The following CALN1 variants were observed in gnomAD, a reference collection of about 807,000 sequenced individuals.
CALN1 encodes calcium-binding protein 8.
A neutral mutation model predicts 30.6 loss-of-function variants in CALN1; 17 were observed. The ratio of observed to expected loss-of-function variants is 0.56; its 90% CI spans 0.38 to 0.83. CALN1 has a LOEUF of 0.83. Ranked by LOEUF, CALN1 falls within the 40% of genes least tolerant of loss-of-function variation. The pLI, the probability that CALN1 is intolerant of heterozygous loss-of-function variation, is 0.00. For missense variants in CALN1, 291 were observed against 354.9 expected (o/e 0.82, Z 1.45); for synonymous variants, 156 against 131.4 (o/e 1.19, Z -1.28).
At chr7:71,990,884 C>A (rs1255011006) in intron 5 of CALN1, among the ~76,000 whole-genome samples, 2 of 152,092 alleles carry the variant, frequency 1.3e-5, no homozygotes, top group African/African-American at 2.4e-5. Flanking sequence ...TGGATTGGGG[C>A]CCGTTTCTGG....
At position 72,427,700 on chromosome 7, in the gene CALN1, T is replaced by G. The variant is rs1049459375; in HGVS notation, c.-225-15425A>C. On this transcript the variant is annotated intron_variant, in intron 1 of 6. Transcript: ENST00000395276. ...TTATTTTTTTGTAGAGACAGAGTCT[T>G]GAACTCCTGGCCTCAAACAATCTTC... Among the ~76,000 whole-genome samples the G allele has an allele frequency of 1.1e-4, 17 of 151,564 alleles. 1 individual carries two copies. Among genetic ancestry groups the G allele is most frequent in the Admixed American group, 4.6e-4 (7 of 15,204 alleles).
chr7:72,141,579 T>C (rs1809942842), intron 3 of CALN1, among the ~76,000 whole-genome samples: 1 of 152,124 alleles, frequency 6.6e-6, no homozygotes, highest in Non-Finnish European at 1.5e-5. Context: ...TCACCATTTT[T>C]TTTTTCAAGA....
chr7:72,052,936 T>C (rs1584836096), intron 4 of CALN1, among the ~76,000 whole-genome samples: 1 of 140,806 alleles, frequency 7.1e-6, no homozygotes, highest in Non-Finnish European at 1.6e-5. Context: ...TCCCAGCACT[T>C]TGAGAGGCCA....
intron 5 of CALN1, among the ~76,000 whole-genome samples, chr7:71,895,704 T>C (rs1793497906): frequency 6.6e-6 from 1 of 152,108 alleles, no homozygotes; most frequent in Non-Finnish European, 1.5e-5. Flanking sequence ...AAAATGACCG[T>C]TTAAGGAAGA....
intron 1 of CALN1, among the ~76,000 whole-genome samples, chr7:72,437,268 GT>G (rs1808190725): frequency 6.6e-6 from 1 of 152,114 alleles, no homozygotes; most frequent in Admixed American, 6.6e-5. Flanking sequence ...ATGGGCCTCA[GT>G]TTTTTCATTC....
chr7:71,972,536 G>A (rs1023731179), intron 5 of CALN1, among the ~76,000 whole-genome samples: 1 of 152,128 alleles, frequency 6.6e-6, no homozygotes, highest in African/African-American at 2.4e-5. Context: ...GGGATAATTT[G>A]GCCAAAGGTG....
intron 4 of CALN1, among the ~76,000 whole-genome samples, chr7:72,065,835 G>A (rs1398765654): frequency 1.3e-5 from 2 of 152,132 alleles, no homozygotes; most frequent in East Asian, 3.9e-4. Context: ...AGAGGTTGCA[G>A]TGAGCCAAGA....
At chr7:72,162,048 C>T (rs1788149896) in intron 3 of CALN1, among the ~76,000 whole-genome samples, 1 of 151,044 alleles carries the variant, frequency 6.6e-6, no homozygotes, top group African/African-American at 2.4e-5. Context: ...ATGTCAGTTC[C>T]TTCTAGAAGT....
chr7:71,971,400 A>T (rs141714215), intron 5 of CALN1, among the ~76,000 whole-genome samples: 8,144 of 152,278 alleles, frequency 0.053, 518 homozygotes, highest in African/African-American at 0.16. Context: ...AAGTGAGCTG[A>T]GATCGTGCCA....
chr7:72,339,884 C>T (rs1802301514), intron 2 of CALN1, among the ~76,000 whole-genome samples: 1 of 152,190 alleles, frequency 6.6e-6, no homozygotes, highest in Admixed American at 6.5e-5. Context: ...ATCCCTCCCA[C>T]AACACATGGG....
the CALN1 span, among the ~76,000 whole-genome samples, chr7:72,486,884 G>A: frequency 6.6e-6 from 1 of 151,938 alleles, no homozygotes; most frequent in Middle Eastern, 3.2e-3. Flanking sequence ...TTTTCATCAG[G>A]TACTTTAGTT....
chr7:71,880,832 T>C (rs940686353), intron 5 of CALN1, among the ~76,000 whole-genome samples: 1 of 152,224 alleles, frequency 6.6e-6, no homozygotes, highest in African/African-American at 2.4e-5. Flanking sequence ...TCCCTACCAC[T>C]TTTCCTCGCA....
chr7:72,011,805 C>T (rs1800096215), intron 5 of CALN1, among the ~76,000 whole-genome samples: 1 of 152,070 alleles, frequency 6.6e-6, no homozygotes, highest in African/African-American at 2.4e-5. Context: ...CCACCAGACC[C>T]AGCTAATTTT....
chr7:71,809,516 T>C (rs1246309135), intron 6 of CALN1, among the ~76,000 whole-genome samples: 2 of 137,692 alleles, frequency 1.5e-5, no homozygotes, highest in Non-Finnish European at 1.6e-5. Context: ...CCTTAAGAAA[T>C]GTCAGCATTG....
At chr7:72,400,300 C>A (rs1297450051) in intron 2 of CALN1, among the ~76,000 whole-genome samples, 2 of 152,090 alleles carry the variant, frequency 1.3e-5, no homozygotes, top group Non-Finnish European at 2.9e-5. Flanking sequence ...GAGCTTGTTT[C>A]CCAGGGGATT....
At chr7:72,336,442 C>T (rs1172395670) in intron 2 of CALN1, among the ~76,000 whole-genome samples, 1 of 152,026 alleles carries the variant, frequency 6.6e-6, no homozygotes, top group Non-Finnish European at 1.5e-5. Context: ...CCTTCCCTAG[C>T]CCCACGTCCC....
At chr7:72,434,456 A>G (rs1808082150) in intron 1 of CALN1, among the ~76,000 whole-genome samples, 1 of 151,914 alleles carries the variant, frequency 6.6e-6, no homozygotes, top group African/African-American at 2.4e-5. Flanking sequence ...CAGGAGGCAG[A>G]GGTTGCAGTG....
chr7:71,861,084 T>C (rs67719947), intron 5 of CALN1, among the ~76,000 whole-genome samples: 10,485 of 152,214 alleles, frequency 0.069, 815 homozygotes, highest in East Asian at 0.43. Flanking sequence ...TCCTTCCTCA[T>C]GTCTCCAAGA....
chr7:72,243,566 C>T (rs1170214553), intron 3 of CALN1, among the ~76,000 whole-genome samples: 2 of 152,196 alleles, frequency 1.3e-5, no homozygotes, highest in East Asian at 3.9e-4. Context: ...CACAAGAAGG[C>T]GGGAAGAGCA....
Sources: gnomAD v4.1 joint callset for allele counts (sites outside exome capture counted in the v4.1 genomes callset) on GRCh38, gnomAD v4.1.1 for gene constraint, MANE v1.5 for transcripts, NCBI Gene and HGNC (gene_info 2026-07-23, HGNC 2026-07-21) for gene names.